The following SRD5A2 variants were observed in gnomAD, a reference collection of about 807,000 sequenced individuals.
The protein encoded by SRD5A2 is steroid 5 alpha-reductase 2, also known as 3-oxo-5-alpha-steroid 4-dehydrogenase 2.
A neutral mutation model predicts 27.4 loss-of-function variants in SRD5A2; 30 were observed. The observed-to-expected ratio is 1.10, with a 90% confidence interval of 0.82 to 1.49. The LOEUF is 1.49. Among genes scored for constraint, SRD5A2 ranks in the 40% most tolerant of loss-of-function variants. The pLI, the probability that SRD5A2 is intolerant of heterozygous loss-of-function variation, is 0.00. For synonymous variants in SRD5A2, 141 were observed against 133.6 expected (o/e 1.06, Z -0.38); for missense variants, 348 against 323.4 (o/e 1.08, Z -0.58).
At chr2:31,541,274 C>A (rs1217303423) in intron 1 of SRD5A2, among the ~76,000 whole-genome samples, 5 of 151,746 alleles carry the variant, frequency 3.3e-5, no homozygotes, top group African/African-American at 9.7e-5. Context: ...AAGCAAACAA[C>A]CTTGAGGAAA....
the SRD5A2 span, among the ~76,000 whole-genome samples, chr2:31,590,359 G>A: frequency 1.3e-5 from 2 of 152,166 alleles, no homozygotes; most frequent in Non-Finnish European, 1.5e-5. Context: ...TCACTGAGCA[G>A]TGGTTTGCAG....
chr2:31,589,304 G>C, the SRD5A2 span, among the ~76,000 whole-genome samples: 3 of 152,230 alleles, frequency 2.0e-5, no homozygotes, highest in Non-Finnish European at 4.4e-5. Flanking sequence ...ACCTCATCCA[G>C]TGGAGCTCAT....
chr2:31,572,104 A>C (rs1666861174), intron 1 of SRD5A2, among the ~76,000 whole-genome samples: 1 of 152,242 alleles, frequency 6.6e-6, no homozygotes, highest in Admixed American at 6.5e-5. Context: ...GGTGGACTGG[A>C]TAAAGAAAAT....
At chr2:31,630,587 A>C in the SRD5A2 span, among the ~76,000 whole-genome samples, 3 of 152,206 alleles carry the variant, frequency 2.0e-5, no homozygotes, top group African/African-American at 7.2e-5. Context: ...GGATGGCCCA[A>C]ATGCATTCAA....
At chr2:31,565,901 A>AT (rs1666719120) in intron 1 of SRD5A2, among the ~76,000 whole-genome samples, 1 of 152,024 alleles carries the variant, frequency 6.6e-6, no homozygotes, top group African/African-American at 2.4e-5. Flanking sequence ...CAGTATACAC[A>AT]TTCTTTTCAT....
chr2:31,633,897 T>C, the SRD5A2 span, among the ~76,000 whole-genome samples: 1 of 152,160 alleles, frequency 6.6e-6, no homozygotes, highest in Admixed American at 6.5e-5. Flanking sequence ...AAAATGTTAA[T>C]TAGGAACCTG....
At position 31,529,475 on chromosome 2, in the gene SRD5A2, G is replaced by A. The variant is rs28383063; in HGVS notation, c.548-18C>T. ...CAAGCCACCTGCGTGCAGAAGAATC[G>A]GAAGGTCAATCATTGCAACTGAATC... On this transcript the variant is annotated intron_variant, in intron 3 of 4. Coordinates refer to ENST00000622030, the MANE Select transcript of SRD5A2 (RefSeq NM_000348.4). 5,447 of 1,608,808 alleles carry A rather than the reference G, an allele frequency of 3.4e-3. 22 individuals are homozygous for A. Among genetic ancestry groups the A allele is most frequent in the Non-Finnish European group, 4.0e-3 (4,719 of 1,176,794 alleles).
chr2:31,585,538 T>C (rs1667160174), upstream of SRD5A2, among the ~76,000 whole-genome samples: 1 of 152,062 alleles, frequency 6.6e-6, no homozygotes, highest in Non-Finnish European at 1.5e-5. Flanking sequence ...GTGACATTCC[T>C]AGAAACACCC....
the SRD5A2 span, among the ~76,000 whole-genome samples, chr2:31,606,610 T>C: frequency 6.6e-6 from 1 of 151,840 alleles, no homozygotes; most frequent in African/African-American, 2.4e-5. Context: ...GTGTCTAGCA[T>C]TTTTAGTAAG....
At chr2:31,564,697 A>G (rs1370812096) in intron 1 of SRD5A2, among the ~76,000 whole-genome samples, 1 of 152,068 alleles carries the variant, frequency 6.6e-6, no homozygotes, top group Non-Finnish European at 1.5e-5. Flanking sequence ...GGGCAAGAAC[A>G]GATTTCTTGT....
chr2:31,613,934 C>T, the SRD5A2 span, among the ~76,000 whole-genome samples: 1 of 152,102 alleles, frequency 6.6e-6, no homozygotes, highest in Non-Finnish European at 1.5e-5. Flanking sequence ...AAACCACTCC[C>T]ATGATTCACT....
chr2:31,527,795 G>C (rs1178935845), intron 4 of SRD5A2: 1 of 152,188 alleles, frequency 6.6e-6, no homozygotes, highest in Non-Finnish European at 1.5e-5. Context: ...ACTAGCTGTT[G>C]CTTCATTCAT....
intron 1 of SRD5A2, among the ~76,000 whole-genome samples, chr2:31,542,199 G>A (rs1427808055): frequency 3.9e-5 from 6 of 152,130 alleles, no homozygotes. Flanking sequence ...AGTAAAGAGG[G>A]CTTTATTTTG....
chr2:31,605,610 A>T, the SRD5A2 span, among the ~76,000 whole-genome samples: 5 of 151,894 alleles, frequency 3.3e-5, no homozygotes, highest in African/African-American at 9.7e-5. Flanking sequence ...ATCTCATCCC[A>T]TTTAAAATGG....
At chr2:31,628,735 G>A in the SRD5A2 span, among the ~76,000 whole-genome samples, 2 of 152,042 alleles carry the variant, frequency 1.3e-5, no homozygotes, top group African/African-American at 2.4e-5. Flanking sequence ...GCTTAGTTTG[G>A]CTGGATATGA....
At chr2:31,644,613 G>A in the SRD5A2 span, among the ~76,000 whole-genome samples, 11 of 152,142 alleles carry the variant, frequency 7.2e-5, no homozygotes, top group Non-Finnish European at 1.2e-4. Flanking sequence ...TCTGGCCTGC[G>A]GCTCACCTCC....
At chr2:31,610,065 C>G in the SRD5A2 span, among the ~76,000 whole-genome samples, 10 of 152,052 alleles carry the variant, frequency 6.6e-5, no homozygotes, top group African/African-American at 2.4e-4. Flanking sequence ...GACCCCAAAG[C>G]CTTCACTGTT....
At chr2:31,618,183 GA>G in the SRD5A2 span, among the ~76,000 whole-genome samples, 2 of 152,116 alleles carry the variant, frequency 1.3e-5, no homozygotes, top group Admixed American at 1.3e-4. Flanking sequence ...AAAACTATGA[GA>G]TCTTGTGAGA....
chr2:31,581,076 C>G, upstream of SRD5A2: 1 of 670,480 alleles, frequency 1.5e-6, no homozygotes, highest in Non-Finnish European at 2.4e-6. Flanking sequence ...CAGCAATACC[C>G]CTTTCTCAAG....
Sources: gnomAD v4.1 joint callset for allele counts (sites outside exome capture counted in the v4.1 genomes callset) on GRCh38, gnomAD v4.1.1 for gene constraint, MANE v1.5 for transcripts, NCBI Gene and HGNC (gene_info 2026-07-23, HGNC 2026-07-21) for gene names.